Variants in GRID1 observed in about 807,000 individuals in gnomAD.
GRID1 encodes the protein glutamate ionotropic receptor delta type subunit 1, also known as glutamate receptor ionotropic, delta-1.
Under a neutral mutation model 98.0 loss-of-function variants are expected in GRID1, and 28 were observed. The ratio of observed to expected loss-of-function variants is 0.29; its 90% confidence interval spans 0.21 to 0.39. The LOEUF (loss-of-function observed/expected upper bound fraction) is 0.39. Ranked by LOEUF, GRID1 falls within the 10% of genes least tolerant of loss-of-function variation. GRID1 has a pLI of 1.00. For synonymous variants in GRID1, 553 were observed against 538.5 expected, an observed-to-expected ratio of 1.03 and a Z score of -0.37; for missense variants, 1,111 against 1,340.5, an observed-to-expected ratio of 0.83 and a Z score of 2.67.
At chr10:85,656,586 A>G (rs911874890) in intron 12 of GRID1, among the ~76,000 whole-genome samples, 1 of 152,100 alleles carries the variant, frequency 6.6e-6, no homozygotes, top group Non-Finnish European at 1.5e-5. Context: ...TTAAATCACT[A>G]ACCCCTAAAC....
intron 8 of GRID1, among the ~76,000 whole-genome samples, chr10:85,752,340 C>G (rs993464558): frequency 1.3e-5 from 2 of 152,120 alleles, no homozygotes; most frequent in Non-Finnish European, 2.9e-5. Flanking sequence ...TGGAGGTGAC[C>G]TCATGCCAAG....
chr10:86,301,826 A>G (rs914443271), intron 2 of GRID1, among the ~76,000 whole-genome samples: 4 of 152,254 alleles, frequency 2.6e-5, no homozygotes, highest in African/African-American at 7.2e-5. Flanking sequence ...GTACTATTAA[A>G]AAGAGCAGAT....
intron 4 of GRID1, among the ~76,000 whole-genome samples, chr10:86,038,243 C>T (rs577615618): frequency 3.9e-5 from 6 of 152,232 alleles, no homozygotes; most frequent in East Asian, 1.9e-4. Context: ...ATACTCCCAC[C>T]GTGGCCAGTT....
chr10:86,352,233 T>A (rs771393500), intron 2 of GRID1, among the ~76,000 whole-genome samples: 1 of 152,162 alleles, frequency 6.6e-6, no homozygotes, highest in African/African-American at 2.4e-5. Context: ...AAGGCTGGAT[T>A]TGAGAAATTT....
chr10:85,909,512 C>T (rs1232616348), intron 5 of GRID1, among the ~76,000 whole-genome samples: 4 of 152,138 alleles, frequency 2.6e-5, no homozygotes, highest in East Asian at 1.9e-4. Flanking sequence ...CCATCAACAG[C>T]GGAACAGATA....
At chr10:86,298,209 C>A (rs1847622803) in intron 2 of GRID1, among the ~76,000 whole-genome samples, 1 of 152,072 alleles carries the variant, frequency 6.6e-6, no homozygotes, top group Non-Finnish European at 1.5e-5. Context: ...ATTTATGCAA[C>A]CATTGAAATG....
intron 4 of GRID1, among the ~76,000 whole-genome samples, chr10:86,122,582 C>A (rs993153770): frequency 6.6e-6 from 1 of 152,264 alleles, no homozygotes; most frequent in Admixed American, 6.5e-5. Context: ...ATAACTTATA[C>A]AACTTCCCTT....
At chr10:85,674,714 T>G (rs773700323) in intron 12 of GRID1, among the ~76,000 whole-genome samples, 41 of 119,526 alleles carry the variant, frequency 3.4e-4, no homozygotes, top group Non-Finnish European at 5.9e-4. Flanking sequence ...AAATTGCAGG[T>G]TTTTTTTTTT....
chr10:86,347,891 C>A (rs1368617193), intron 2 of GRID1, among the ~76,000 whole-genome samples: 1 of 152,202 alleles, frequency 6.6e-6, no homozygotes, highest in African/African-American at 2.4e-5. Flanking sequence ...GACAAACACA[C>A]ACGTGGGCCA....
At chr10:85,763,457 C>T (rs940730332) in intron 8 of GRID1, among the ~76,000 whole-genome samples, 2 of 152,230 alleles carry the variant, frequency 1.3e-5, no homozygotes, top group Non-Finnish European at 2.9e-5. Context: ...ATCCCACTAC[C>T]TTCTGATTTA....
At chr10:86,179,948 A>G (rs1845631129) in intron 3 of GRID1, among the ~76,000 whole-genome samples, 1 of 152,150 alleles carries the variant, frequency 6.6e-6, no homozygotes, top group Non-Finnish European at 1.5e-5. Flanking sequence ...GGCGGGAGGG[A>G]GCCAAAGAAT....
At chr10:85,829,269 A>T (rs2131759840) in intron 8 of GRID1, among the ~76,000 whole-genome samples, 1 of 152,222 alleles carries the variant, frequency 6.6e-6, no homozygotes, top group Admixed American at 6.5e-5. Flanking sequence ...AATGTTAAAA[A>T]CCCTCAACAA....
rs142104589 is a variant in GRID1, at chr10:86,318,272, A to C, written c.235+45669T>G. 4.3e-3 allele frequency among the ~76,000 whole-genome samples: 648 copies of C among 152,310 alleles called. 9 individuals carry two copies. The highest frequency in any genetic ancestry group is 0.017 in the Middle Eastern group (5 of 294). On this transcript the variant is annotated intron_variant, in intron 2 of 15. Coordinates refer to ENST00000327946, the MANE Select transcript of GRID1 (RefSeq NM_017551.3). ...GCTGCTAGAACACAGTGGACCCCAGAAGTCATGGCCCCACCTTGGCTTTAA... is the reference window on the plus strand; with the variant it reads ...GCTGCTAGAACACAGTGGACCCCAGCAGTCATGGCCCCACCTTGGCTTTAA...
chr10:85,876,882 G>C (rs931999806), intron 5 of GRID1, among the ~76,000 whole-genome samples: 1 of 152,204 alleles, frequency 6.6e-6, no homozygotes, highest in South Asian at 2.1e-4. Flanking sequence ...ATGGCACCTG[G>C]AAAATCGGGT....
At chr10:85,655,894 A>G (rs1840889786) in intron 12 of GRID1, among the ~76,000 whole-genome samples, 1 of 151,982 alleles carries the variant, frequency 6.6e-6, no homozygotes, top group South Asian at 2.1e-4. Context: ...TTGCTCTTCC[A>G]GTTGTCACCT....
intron 4 of GRID1, among the ~76,000 whole-genome samples, chr10:85,983,334 T>C (rs1198137028): frequency 6.6e-6 from 1 of 151,984 alleles, no homozygotes; most frequent in Non-Finnish European, 1.5e-5. Flanking sequence ...AAGAAAGGAG[T>C]GAGGCACATG....
At chr10:85,957,324 G>A (rs1429919325) in intron 4 of GRID1, among the ~76,000 whole-genome samples, 2 of 152,150 alleles carry the variant, frequency 1.3e-5, no homozygotes, top group Admixed American at 6.5e-5. Flanking sequence ...AGTAGAAATG[G>A]TGTGGCCAGA....
At chr10:85,613,731 G>T in intron 14 of GRID1, 84 bp from the exon 15 acceptor site, 1 of 1,505,808 alleles carries the variant, frequency 6.6e-7, no homozygotes, top group South Asian at 1.3e-5. Context: ...CCACCATGCT[G>T]GCCCCACCAC....
intron 8 of GRID1, among the ~76,000 whole-genome samples, chr10:85,834,622 A>C (rs1245335415): frequency 6.6e-6 from 1 of 152,194 alleles, no homozygotes; most frequent in African/African-American, 2.4e-5. Flanking sequence ...CAGGACAATG[A>C]CATTTAAAAG....
Sources: allele counts gnomAD v4.1 joint callset (sites outside exome capture counted in the v4.1 genomes callset), GRCh38; gene constraint gnomAD v4.1.1; transcripts MANE v1.5; gene names NCBI Gene and HGNC (gene_info 2026-07-23, HGNC 2026-07-21).